CFAP43: variants seen among roughly 807,000 people sequenced by gnomAD.
CFAP43 encodes the protein cilia- and flagella-associated protein 43.
CFAP43 carries 155 observed loss-of-function variants against 218.9 expected under a neutral mutation model. The ratio of observed to expected loss-of-function variants is 0.71; its 90% CI spans 0.62 to 0.81. The LOEUF (loss-of-function observed/expected upper bound fraction) is 0.81, where lower values mean the gene tolerates loss of function less well. Ranked by LOEUF, CFAP43 falls within the 30% of genes least tolerant of loss-of-function variation. The probability of loss-of-function intolerance (pLI) is 0.00; values close to 1 mark genes in which losing one functional copy is unlikely to be tolerated. For missense variants in CFAP43, 1,778 were observed against 1,954.3 expected (o/e 0.91, Z 1.70); for synonymous variants, 645 against 681.3 (o/e 0.95, Z 0.83).
intron 34 of CFAP43, among the ~76,000 whole-genome samples, chr10:104,138,439 G>A (rs779940820): frequency 4.7e-4 from 71 of 152,150 alleles, no homozygotes; most frequent in Non-Finnish European, 7.4e-4. Context: ...ACTTTGGGAG[G>A]CTGAGGTGGG....
chr10:104,134,087 G>A (rs1038644256), intron 34 of CFAP43, among the ~76,000 whole-genome samples: 1 of 152,130 alleles, frequency 6.6e-6, no homozygotes, highest in Non-Finnish European at 1.5e-5. Flanking sequence ...GTATGCATTT[G>A]TATCCCTATT....
At position 104,133,631 on chromosome 10, in the gene CFAP43, C is replaced by CT. The variant is rs2087301399; in HGVS notation, c.4584dup (p.Asp1529ArgfsTer8). 12 of 1,610,778 alleles carry CT rather than the reference C, an allele frequency of 7.4e-6. No homozygotes were observed. Among genetic ancestry groups the CT allele is most frequent in the Non-Finnish European group, 1.0e-5 (12 of 1,179,024 alleles). Reference sequence around the variant, plus strand: ...TAGGGAGAATTTACCTTTTGACGATCTCTTGAAAAAAATAGCATCTGAATA... The same window carrying CT: ...TAGGGAGAATTTACCTTTTGACGATCTTCTTGAAAAAAATAGCATCTGAATA... On this transcript the variant is annotated frameshift_variant, in exon 35 of 38. Transcript: ENST00000357060. LOFTEE classifies it high-confidence loss of function.
At chr10:104,143,730 A>G (rs2087814900) in intron 31 of CFAP43, 91 bp from the exon 32 acceptor site, 3 of 1,185,958 alleles carry the variant, frequency 2.5e-6, no homozygotes, top group South Asian at 1.4e-5. Flanking sequence ...GGCATAACAC[A>G]TTGTATGGCT....
intron 11 of CFAP43, 180 bp downstream of exon 11, chr10:104,193,686 A>C: frequency 5.5e-6 from 4 of 725,176 alleles, no homozygotes; most frequent in Non-Finnish European, 4.2e-6. Context: ...AGACCTGGGT[A>C]TGGGGGGTAC....
chr10:104,214,227 C>T (rs1468029332), intron 4 of CFAP43, 32 bp downstream of exon 4: 2 of 1,529,236 alleles, frequency 1.3e-6, no homozygotes, highest in East Asian at 2.3e-5. Context: ...CAAAGACCAC[C>T]ATGTTGCTAC....
intron 10 of CFAP43, among the ~76,000 whole-genome samples, chr10:104,194,482 G>A (rs940286818): frequency 1.3e-5 from 2 of 152,084 alleles, no homozygotes; most frequent in East Asian, 1.9e-4. Flanking sequence ...TGATCCTACT[G>A]TGTCAGCCTG....
At chr10:104,185,464 G>A (rs2090000309) in intron 15 of CFAP43, among the ~76,000 whole-genome samples, 1 of 152,014 alleles carries the variant, frequency 6.6e-6, no homozygotes, top group African/African-American at 2.4e-5. Flanking sequence ...CTAGGGAAGG[G>A]GCCTTCAGCA....
In CFAP43 at chr10:104,184,743, C is replaced by T. The variant is rs1386830213; in HGVS notation, c.2141+273G>A. The stretch of plus-strand genomic sequence containing the variant: ...CTGATAATATTCAAACTAGCCAATC[C>T]TAAACCTGCCCAATCCTCCCTGTGA... On this transcript the variant is annotated intron_variant, in intron 16 of 37. Transcript: ENST00000357060. 2.6e-5 allele frequency among the ~76,000 whole-genome samples: 4 copies of T among 152,076 alleles called. No individual in the cohort carries two copies. The East Asian group carries it at 7.7e-4, about 29-fold the overall frequency.
intron 2 of CFAP43, among the ~76,000 whole-genome samples, chr10:104,226,565 CA>C (rs139085332): frequency 2.7e-4 from 40 of 148,406 alleles, no homozygotes; most frequent in Non-Finnish European, 3.3e-4. Flanking sequence ...AAGAAAATGC[CA>C]AAAAAAAAGA....
At chr10:104,166,433 A>G (rs1023383175) in intron 23 of CFAP43, 55 bp downstream of exon 23, 5 of 1,338,854 alleles carry the variant, frequency 3.7e-6, no homozygotes, top group Non-Finnish European at 5.2e-6. Flanking sequence ...AGGCCTTGAA[A>G]GCCACCTAAT....
chr10:104,152,462 G>A lies in CFAP43; in HGVS notation c.3660+145C>T, dbSNP rs117910147. 1.9e-3 allele frequency: 2,087 copies of A among 1,089,898 alleles called. 5 individuals carry two copies. Among genetic ancestry groups the A allele is most frequent in the South Asian group, 6.0e-3 (400 of 67,162 alleles). The allele number at this position is 1,089,898 out of a possible 1,614,324, so 67.5% of individuals were successfully genotyped here. On this transcript the variant is annotated intron_variant, in intron 28 of 37. Transcript: ENST00000357060. ...GGAAGTGTGGCAGGTAAAGGGGAAG[G>A]TGCACAAGATGAGACTGGAGAGGGA...
At chr10:104,231,374 C>G (rs982334674) in intron 1 of CFAP43, among the ~76,000 whole-genome samples, 33 of 151,826 alleles carry the variant, frequency 2.2e-4, no homozygotes, top group African/African-American at 8.0e-4. Context: ...TACAGATAAA[C>G]GTAGAAAATA....
At position 104,162,335 on chromosome 10, in the gene CFAP43, C is replaced by A. The variant is rs545316683; in HGVS notation, c.3315G>T (p.Glu1105Asp). 371 of 1,614,020 alleles carry A rather than the reference C, an allele frequency of 2.3e-4. No individual in the cohort carries two copies. Among genetic ancestry groups the A allele is most frequent in the Non-Finnish European group, 3.0e-4 (355 of 1,179,972 alleles). The change falls in exon 25 of 38, where the codon GAG becomes GAT. Residue 1105 changes from glutamate to aspartate, a missense_variant. Physicochemically the swap from Glu to Asp is conservative, Grantham distance 45 (BLOSUM62 2). This residue lies in a region of CFAP43 where 1,553 missense variants were observed against 1,685.2 expected (regional missense o/e 0.92). Coordinates refer to ENST00000357060, the MANE Select transcript of CFAP43 (RefSeq NM_025145.7). The part of the protein sequence containing the change: ...AKELIVNHEK[E>D]HWLLIQDAST... Reference sequence around the variant, plus strand: ...TACATGCCTGTATCAGAAGCCAGTGCTCCTTTTCATGATTCACGATCAATT... The same window carrying A: ...TACATGCCTGTATCAGAAGCCAGTGATCCTTTTCATGATTCACGATCAATT...
chr10:104,198,014 CA>C lies in CFAP43; in HGVS notation c.1119del (p.Phe373LeufsTer7). ...ACTTTATTTAAGGTTGGCTCCTTAC[CA>C]AAAGTGTAGATATAAACAGATCCCT... is the stretch of plus-strand genomic sequence containing the variant. ...TDKGSVYIYTFGKEPTLNKVL... is the reference protein window; with the variant it reads ...TDKGSVYIYTXGKEPTLNKVL... On this transcript the variant is annotated frameshift_variant, in exon 9 of 38. Coordinates refer to ENST00000357060, the MANE Select transcript of CFAP43 (RefSeq NM_025145.7). LOFTEE classifies it high-confidence loss of function. 6.2e-7 allele frequency: 1 copy of C among 1,611,378 alleles called. No individual in the cohort carries two copies. The highest frequency in any genetic ancestry group is 8.5e-7 in the Non-Finnish European group (1 of 1,177,962).
At chr10:104,190,959 G>C (rs2090190921) in intron 12 of CFAP43, among the ~76,000 whole-genome samples, 1 of 152,220 alleles carries the variant, frequency 6.6e-6, no homozygotes, top group African/African-American at 2.4e-5. Context: ...CATGAAAGTT[G>C]TCTAAGAATT....
intron 34 of CFAP43, among the ~76,000 whole-genome samples, chr10:104,134,081 G>C (rs942319433): frequency 3.3e-5 from 5 of 152,120 alleles, no homozygotes; most frequent in Non-Finnish European, 7.4e-5. Flanking sequence ...CAACCTGTAT[G>C]CATTTGTATC....
intron 8 of CFAP43, among the ~76,000 whole-genome samples, chr10:104,200,862 G>A (rs2090516610): frequency 6.6e-6 from 1 of 152,082 alleles, no homozygotes; most frequent in Non-Finnish European, 1.5e-5. Context: ...AGAGTTCACA[G>A]TAGTAGCAGA....
At chr10:104,155,879 A>G (rs2134789541) in intron 27 of CFAP43, among the ~76,000 whole-genome samples, 1 of 151,820 alleles carries the variant, frequency 6.6e-6, no homozygotes, top group East Asian at 1.9e-4. Flanking sequence ...GAGGGAAAGA[A>G]TGACAGGAGA....
chr10:104,139,640 C>G (rs1257654997), intron 34 of CFAP43, among the ~76,000 whole-genome samples: 3 of 152,132 alleles, frequency 2.0e-5, no homozygotes, highest in Non-Finnish European at 4.4e-5. Flanking sequence ...AGCAAAGTAT[C>G]TTTCAACAAT....
Sources: allele counts gnomAD v4.1 joint callset (sites outside exome capture counted in the v4.1 genomes callset), GRCh38; gene constraint gnomAD v4.1.1; regional missense constraint gnomAD v4.1.1; transcripts MANE v1.5; gene names NCBI Gene and HGNC (gene_info 2026-07-23, HGNC 2026-07-21).